The following LYPD6B variants were observed in gnomAD, a reference collection of about 807,000 sequenced individuals.
LYPD6B encodes the protein ly6/PLAUR domain-containing protein 6B.
In LYPD6B, 17 loss-of-function variants were observed where a neutral mutation model predicts 22.8. The ratio of observed to expected loss-of-function variants is 0.75; its 90% CI spans 0.51 to 1.12. The LOEUF is 1.12. LYPD6B is among the 50% of genes most tolerant of loss of function. The pLI is 0.00. For missense variants in LYPD6B, 221 were observed against 258.3 expected, an observed-to-expected ratio of 0.86 and a Z score of 0.99; for synonymous variants, 106 against 91.6, an observed-to-expected ratio of 1.16 and a Z score of -0.90.
chr2:149,046,726 C>G (rs13028811), intron 1 of LYPD6B, among the ~76,000 whole-genome samples: 61,166 of 151,856 alleles, frequency 0.4, 12,697 homozygotes, highest in East Asian at 0.72. Context: ...TAATTAGAGT[C>G]TACTTTCAAG....
chr2:149,041,530 G>T (rs1319082109), intron 1 of LYPD6B, among the ~76,000 whole-genome samples: 3 of 152,184 alleles, frequency 2.0e-5, no homozygotes, highest in African/African-American at 7.2e-5. Flanking sequence ...CTGTAGGAGG[G>T]GCTCACCTAC....
intron 2 of LYPD6B, among the ~76,000 whole-genome samples, chr2:149,143,246 TATAAG>T (rs1020925038): frequency 2.0e-5 from 3 of 152,166 alleles, no homozygotes; most frequent in African/African-American, 7.2e-5. Flanking sequence ...TTTCTATTTG[TATAAG>T]ATGAGACCAT....
chr2:149,114,282 A>G (rs1369273254), intron 1 of LYPD6B, among the ~76,000 whole-genome samples: 1 of 152,222 alleles, frequency 6.6e-6, no homozygotes, highest in Non-Finnish European at 1.5e-5. Flanking sequence ...TTTTATCTCA[A>G]TGCCAAGTGG....
chr2:149,171,782 A>G (rs1690842745), intron 3 of LYPD6B, among the ~76,000 whole-genome samples: 1 of 152,170 alleles, frequency 6.6e-6, no homozygotes, highest in Non-Finnish European at 1.5e-5. Context: ...TTAGGGAGAA[A>G]ACACTCTACT....
At chr2:149,195,043 A>G (rs2106084692) in intron 3 of LYPD6B, among the ~76,000 whole-genome samples, 1 of 152,368 alleles carries the variant, frequency 6.6e-6, no homozygotes, top group South Asian at 2.1e-4. Context: ...GATTGTTACA[A>G]AACTTAAAAC....
intron 5 of LYPD6B, 91 bp from the exon 6 acceptor site, chr2:149,212,901 T>C: frequency 7.5e-7 from 1 of 1,330,972 alleles, no homozygotes; most frequent in Non-Finnish European, 1.0e-6. Flanking sequence ...TTTGAGTCCT[T>C]TCTGCATTAA....
At chr2:149,205,546 T>G (rs572712625) in intron 4 of LYPD6B, 142 bp downstream of exon 4, 1 of 910,810 alleles carries the variant, frequency 1.1e-6, no homozygotes, top group Non-Finnish European at 1.7e-6. Context: ...TCTCCATTAC[T>G]TCTATGGGTA....
chr2:149,178,857 C>G (rs953822883), intron 3 of LYPD6B, among the ~76,000 whole-genome samples: 1 of 152,134 alleles, frequency 6.6e-6, no homozygotes, highest in East Asian at 1.9e-4. Flanking sequence ...TCCACCTTCC[C>G]CGATGGAATG....
chr2:149,145,419 C>T (rs1336606205), intron 2 of LYPD6B, among the ~76,000 whole-genome samples: 1 of 152,152 alleles, frequency 6.6e-6, no homozygotes, highest in African/African-American at 2.4e-5. Context: ...ACTTGGAAGA[C>T]ACAAGCCCGG....
At chr2:149,106,257 T>C (rs1686466381) in intron 1 of LYPD6B, among the ~76,000 whole-genome samples, 1 of 152,176 alleles carries the variant, frequency 6.6e-6, no homozygotes, top group African/African-American at 2.4e-5. Context: ...TCTTTTATTA[T>C]AATGTATATT....
chr2:149,063,916 G>A (rs1045709567), intron 1 of LYPD6B, among the ~76,000 whole-genome samples: 2 of 152,150 alleles, frequency 1.3e-5, no homozygotes, highest in Non-Finnish European at 2.9e-5. Flanking sequence ...ACAATTCACA[G>A]TAAATTTGTG....
At chr2:149,126,410 T>C (rs185110078) in intron 1 of LYPD6B, among the ~76,000 whole-genome samples, 9 of 152,332 alleles carry the variant, frequency 5.9e-5, no homozygotes, top group Admixed American at 5.9e-4. Context: ...TTATTTTGTA[T>C]GTTATATGTA....
intron 1 of LYPD6B, among the ~76,000 whole-genome samples, chr2:149,121,915 C>T (rs775551608): frequency 1.5e-4 from 23 of 152,194 alleles, no homozygotes; most frequent in Non-Finnish European, 3.1e-4. Context: ...GTGCTGCCTT[C>T]AGGAGTCACC....
chr2:149,077,653 G>A (rs2377514), intron 1 of LYPD6B: 126,007 of 152,104 alleles, frequency 0.83, 52,627 homozygotes, highest in East Asian at 1. Flanking sequence ...TAGTGAGCTG[G>A]GCACATCCAC....
chr2:149,171,053 G>T (rs1396148459), intron 3 of LYPD6B, among the ~76,000 whole-genome samples: 1 of 152,234 alleles, frequency 6.6e-6, no homozygotes. Flanking sequence ...AGCCCTGGCA[G>T]TTTGACAGCA....
At chr2:149,064,538 TA>T (rs1684237232) in intron 1 of LYPD6B, among the ~76,000 whole-genome samples, 1 of 152,232 alleles carries the variant, frequency 6.6e-6, no homozygotes, top group Non-Finnish European at 1.5e-5. Flanking sequence ...TATAGTATTA[TA>T]TTAGGACACT....
In LYPD6B at chr2:149,215,033, A is replaced by C; in HGVS notation, c.*323A>C. 3.4e-6 allele frequency: 1 copy of C among 292,934 alleles called. No homozygotes were observed. Among genetic ancestry groups the C allele is most frequent in the Non-Finnish European group, 6.5e-6 (1 of 154,438 alleles). The allele number at this position is 292,934 out of a possible 1,614,324, so 18.1% of individuals were successfully genotyped here. ...GGCCTTTAGCTGAAAGGATTTCTTG[A>C]CCTCCTTGACTGCCTCAGAGGCTGC... On this transcript the variant is annotated 3_prime_UTR_variant, in exon 7 of 7. Coordinates refer to ENST00000409642, the MANE Select transcript of LYPD6B (RefSeq NM_177964.5).
intron 2 of LYPD6B, among the ~76,000 whole-genome samples, chr2:149,138,761 G>A (rs952644253): frequency 6.6e-6 from 1 of 152,048 alleles, no homozygotes; most frequent in African/African-American, 2.4e-5. Flanking sequence ...GGCTAGTCTT[G>A]AACTCCTGAA....
intron 3 of LYPD6B, among the ~76,000 whole-genome samples, chr2:149,198,604 A>C (rs1004777454): frequency 2.6e-5 from 4 of 152,240 alleles, no homozygotes; most frequent in Admixed American, 6.5e-5. Flanking sequence ...ATTGATTTGC[A>C]TAATGAAATT....
Sources: allele counts gnomAD v4.1 joint callset (sites outside exome capture counted in the v4.1 genomes callset), GRCh38; gene constraint gnomAD v4.1.1; transcripts MANE v1.5; gene names NCBI Gene and HGNC (gene_info 2026-07-23, HGNC 2026-07-21).